XIRP2: variants seen among roughly 807,000 people sequenced by gnomAD.
The protein encoded by XIRP2 is xin actin-binding repeat-containing protein 2.
In XIRP2, 236 loss-of-function variants were observed where a neutral mutation model predicts 277.0. The ratio of observed to expected loss-of-function variants is 0.85; its 90% CI spans 0.77 to 0.95. XIRP2 has a LOEUF of 0.95. XIRP2 is among the 40% of genes least tolerant of loss of function. The probability of loss-of-function intolerance (pLI) is 0.00; values close to 1 mark genes in which losing one functional copy is unlikely to be tolerated. For synonymous variants in XIRP2, 1,490 were observed against 1,416.5 expected, an observed-to-expected ratio of 1.05 and a Z score of -1.17; for missense variants, 4,640 against 4,157.5, an observed-to-expected ratio of 1.12 and a Z score of -3.19.
chr2:167,245,707 G>GT lies in XIRP2; in HGVS notation c.4316dup (p.Ser1440LysfsTer4). ...TGATAAGAATAACTATATACGAACA[G>GT]TAAGTGTCAATGAAATACAAAAGGG... On this transcript the variant is annotated frameshift_variant, in exon 9 of 11. Transcript: ENST00000409195. LOFTEE classifies it high-confidence loss of function. The GT allele has an allele frequency of 6.2e-7, 1 of 1,613,562 alleles. No individual in the cohort carries two copies. The highest frequency in any genetic ancestry group is 8.5e-7 in the Non-Finnish European group (1 of 1,179,682).
chr2:167,131,906 G>T (rs1418797265), intron 2 of XIRP2, among the ~76,000 whole-genome samples: 1 of 152,092 alleles, frequency 6.6e-6, no homozygotes, highest in Non-Finnish European at 1.5e-5. Context: ...GCTTTTATCT[G>T]ATATTTTGAC....
Position 166,956,551 on chromosome 2 carries a change from T to G in XIRP2, c.408+52661T>G, listed in dbSNP as rs76867268. Among the ~76,000 whole-genome samples the G allele has an allele frequency of 6.6e-4, 101 of 151,950 alleles. No individual in the cohort carries two copies. In the East Asian group the frequency reaches 0.019, roughly 28 times the overall value. ...GTAGATTGCATTCAAACCCAACAGA[T>G]CCTGAGAAAGATAGTGGTTTAAATA... On this transcript the variant is annotated intron_variant, in intron 2 of 10. Coordinates refer to ENST00000409195, the MANE Select transcript of XIRP2 (RefSeq NM_152381.6).
chr2:166,968,501 T>C (rs1420993559), intron 2 of XIRP2, among the ~76,000 whole-genome samples: 1 of 152,012 alleles, frequency 6.6e-6, no homozygotes, highest in African/African-American at 2.4e-5. Flanking sequence ...ATGCTCTCCA[T>C]GTGACAGATT....
At chr2:167,180,472 G>A (rs1015501206) in intron 3 of XIRP2, among the ~76,000 whole-genome samples, 2 of 151,874 alleles carry the variant, frequency 1.3e-5, no homozygotes, top group Admixed American at 6.6e-5. Flanking sequence ...GCTCTTTTCT[G>A]TATCAAGTGC....
In XIRP2 at chr2:166,891,878, C is replaced by A. The variant is rs1042135087; in HGVS notation, c.-19+3321C>A. Among the ~76,000 whole-genome samples the A allele has an allele frequency of 2.0e-5, 3 of 152,254 alleles. No individual in the cohort carries two copies. In the South Asian group the frequency reaches 6.2e-4, roughly 32 times the overall value. ...GACATATTTACCTAACCTTAACTTG[C>A]TTTCTACAGTTGCAAGACTGAGGAT... On this transcript the variant is annotated intron_variant, in intron 1 of 10. Coordinates refer to ENST00000409195, the MANE Select transcript of XIRP2 (RefSeq NM_152381.6).
At chr2:166,969,541 C>T (rs1177054094) in intron 2 of XIRP2, among the ~76,000 whole-genome samples, 2 of 149,828 alleles carry the variant, frequency 1.3e-5, no homozygotes, top group East Asian at 2.0e-4. Context: ...AACGATATTA[C>T]AATAAAAAAA....
At chr2:167,238,597 G>A (rs1033910050) in intron 5 of XIRP2, among the ~76,000 whole-genome samples, 1 of 152,066 alleles carries the variant, frequency 6.6e-6, no homozygotes, top group African/African-American at 2.4e-5. Context: ...GGATTTGATA[G>A]TGTAAAGTGT....
chr2:167,217,364 C>T (rs1206750564), intron 4 of XIRP2, among the ~76,000 whole-genome samples: 2 of 151,974 alleles, frequency 1.3e-5, no homozygotes, highest in African/African-American at 2.4e-5. Flanking sequence ...ATGTTAAAGC[C>T]CCCTGATTCT....
chr2:167,254,244 C>A, intron 10 of XIRP2, 79 bp downstream of exon 10: 1 of 1,359,160 alleles, frequency 7.4e-7, no homozygotes, highest in Non-Finnish European at 9.6e-7. Context: ...TAGGAGGATG[C>A]ACATTTTTCC....
At chr2:167,059,234 G>T (rs1689117186) in intron 2 of XIRP2, among the ~76,000 whole-genome samples, 2 of 150,028 alleles carry the variant, frequency 1.3e-5, no homozygotes, top group South Asian at 4.2e-4. Flanking sequence ...CTCCCGAGTA[G>T]CTGGGATTAT....
intron 2 of XIRP2, among the ~76,000 whole-genome samples, chr2:166,915,282 A>G (rs1211948776): frequency 1.4e-5 from 2 of 145,922 alleles, no homozygotes; most frequent in East Asian, 4.1e-4. Flanking sequence ...CCTGGGCGAC[A>G]CAGCAAGACT....
At chr2:166,951,494 G>A (rs1380948662) in intron 2 of XIRP2, among the ~76,000 whole-genome samples, 4 of 151,696 alleles carry the variant, frequency 2.6e-5, no homozygotes, top group Admixed American at 2.0e-4. Flanking sequence ...CTGAGATTGC[G>A]CTACTGCACA....
At chr2:167,047,915 A>C (rs562056387) in intron 2 of XIRP2, among the ~76,000 whole-genome samples, 1 of 152,012 alleles carries the variant, frequency 6.6e-6, no homozygotes, top group African/African-American at 2.4e-5. Context: ...TTGAAGGTTA[A>C]TTAAACTTTC....
chr2:166,903,789 A>T lies in XIRP2; in HGVS notation c.307A>T (p.Ser103Cys), dbSNP rs188658609. 1.9e-6 allele frequency: 3 copies of T among 1,613,700 alleles called. No individual in the cohort carries two copies. The highest frequency in any genetic ancestry group is 2.5e-6 in the Non-Finnish European group (3 of 1,179,794). ...PEVLKEDSLS[S>C]RRRIERFSIA... The stretch of plus-strand genomic sequence containing the variant: ...AGTGCTGAAGGAGGATTCCCTGAGC[A>T]GTCGGCGCAGGATTGAACGCTTTTC... The change falls in exon 2 of 11, where the codon AGT becomes TGT. Residue 103 changes from serine to cysteine, a missense_variant. Coordinates refer to ENST00000409195, the MANE Select transcript of XIRP2 (RefSeq NM_152381.6).
chr2:167,158,900 A>G (rs1428579872), intron 3 of XIRP2, among the ~76,000 whole-genome samples: 3 of 152,206 alleles, frequency 2.0e-5, no homozygotes, highest in African/African-American at 7.2e-5. Context: ...ACGATTGGCT[A>G]CAAAGGGATA....
At chr2:167,241,199 T>C (rs971864536) in intron 7 of XIRP2, among the ~76,000 whole-genome samples, 3 of 152,014 alleles carry the variant, frequency 2.0e-5, no homozygotes, top group African/African-American at 7.3e-5. Flanking sequence ...TTGTCTTGTC[T>C]ATAAAAATGG....
At chr2:167,011,005 T>G (rs1440143715) in intron 2 of XIRP2, among the ~76,000 whole-genome samples, 1 of 152,192 alleles carries the variant, frequency 6.6e-6, no homozygotes, top group Admixed American at 6.6e-5. Context: ...TATACAATCA[T>G]GTCATCTGCA....
rs528007492 is a variant in XIRP2, at chr2:167,138,338, C to T, written c.562+2276C>T. Among the ~76,000 whole-genome samples, 4 of 152,312 alleles carry T rather than the reference C, an allele frequency of 2.6e-5. No individual in the cohort carries two copies. In the East Asian group the frequency reaches 7.7e-4, roughly 29 times the overall value. On this transcript the variant is annotated intron_variant, in intron 3 of 10. Coordinates refer to ENST00000409195, the MANE Select transcript of XIRP2 (RefSeq NM_152381.6). The stretch of plus-strand genomic sequence containing the variant: ...GATAACTCCATTCCAGGACTGAGGA[C>T]TAGCAATGCCTGTCAGTTTGGTTCC...
intron 2 of XIRP2, among the ~76,000 whole-genome samples, chr2:166,979,509 G>C (rs911096383): frequency 1.3e-5 from 2 of 150,676 alleles, no homozygotes; most frequent in African/African-American, 2.4e-5. Flanking sequence ...GATGCTAAGA[G>C]TAGGGTTTTT....
Sources: allele counts gnomAD v4.1 joint callset (sites outside exome capture counted in the v4.1 genomes callset), GRCh38; gene constraint gnomAD v4.1.1; transcripts MANE v1.5; gene names NCBI Gene and HGNC (gene_info 2026-07-23, HGNC 2026-07-21).